The following VAV1 variants were observed in gnomAD, a reference collection of about 807,000 sequenced individuals.
The protein encoded by VAV1 is vav guanine nucleotide exchange factor 1.
VAV1 carries 33 observed loss-of-function variants against 128.1 expected under a neutral mutation model. The observed-to-expected ratio is 0.26, with a 90% CI of 0.20 to 0.34. VAV1 has a LOEUF of 0.34. Ranked by LOEUF, VAV1 falls within the 10% of genes least tolerant of loss-of-function variation. VAV1 has a pLI of 1.00. For synonymous variants in VAV1, 394 were observed against 409.8 expected, an observed-to-expected ratio of 0.96 and a Z score of 0.47; for missense variants, 715 against 1,093.7, an observed-to-expected ratio of 0.65 and a Z score of 4.88.
rs1288040548 is a variant in VAV1 at position 6,833,742 on chromosome 19, T to A, written c.1731+9T>A. The A allele has an allele frequency of 6.2e-7, 1 of 1,614,052 alleles. No homozygotes were observed. Among genetic ancestry groups the A allele is most frequent in the Non-Finnish European group, 8.5e-7 (1 of 1,180,032 alleles). ...CAGGAACTATGAAGAAGGTAAGACT[T>A]TCCCGTGGTCCTTCCTGTGTACCAC... is the stretch of plus-strand genomic sequence containing the variant. On this transcript the variant is annotated intron_variant, in intron 18 of 26. Transcript: ENST00000602142.
rs140401873 is a variant in VAV1 at position 6,812,632 on chromosome 19, C to T, written c.205-8070C>T. On this transcript the variant is annotated intron_variant, in intron 1 of 26. Transcript: ENST00000602142. ...CGCCACTGCACTCCAGCCTGGATGA[C>T]AGAGGGAGACTCTATCTCAAAACAA... 2.7e-3 allele frequency among the ~76,000 whole-genome samples: 409 copies of T among 152,242 alleles called. 2 individuals carry two copies. The highest frequency in any genetic ancestry group is 9.5e-3 in the African/African-American group (395 of 41,532).
chr19:6,828,960 C>T lies in VAV1; in HGVS notation c.1265+60C>T. ...TGGGCAAAGGGGTGGGACCAGGCTC[C>T]TAGATGGGCAGGTGGGTGGAGTCAA... is the stretch of plus-strand genomic sequence containing the variant. On this transcript the variant is annotated intron_variant, in intron 13 of 26. Coordinates refer to ENST00000602142, the MANE Select transcript of VAV1 (RefSeq NM_005428.4). The surrounding 1 kb of genome is among the most constrained non-coding windows in gnomAD (Gnocchi z 4.5). The T allele has an allele frequency of 6.3e-7, 1 of 1,592,896 alleles. No individual in the cohort carries two copies. The highest frequency in any genetic ancestry group is 8.6e-7 in the Non-Finnish European group (1 of 1,165,162).
At chr19:6,818,336 C>T in intron 1 of VAV1, among the ~76,000 whole-genome samples, 1 of 152,160 alleles carries the variant, frequency 6.6e-6, no homozygotes, top group Non-Finnish European at 1.5e-5. Flanking sequence ...CAACAAAGTA[C>T]CACGAGCTTG....
intron 1 of VAV1, among the ~76,000 whole-genome samples, chr19:6,792,216 GA>G (rs2144715244): frequency 6.6e-6 from 1 of 152,192 alleles, no homozygotes; most frequent in East Asian, 1.9e-4. Flanking sequence ...GAGAGATCTG[GA>G]AAAAGAAGGT....
chr19:6,800,792 T>TTTTGTGTGTG (rs1555699757), intron 1 of VAV1, among the ~76,000 whole-genome samples: 299 of 147,710 alleles, frequency 2.0e-3, no homozygotes, highest in African/African-American at 7.0e-3. Context: ...TGGCAAATTT[T>TTTTGTGTGTG]TGTGTGTGTG....
Position 6,825,356 on chromosome 19 carries a change from C to T in VAV1, c.777C>T (p.Gly259=). Residue 259 remains glycine (G), a synonymous_variant, in exon 8 of 27, where the codon GGC becomes GGT. Transcript: ENST00000602142. ...HFLKEMKEAL[G]TPGAANLYQV... ...TAAAGGAGATGAAGGAAGCCCTGGG[C>T]ACCCCTGGCGCAGCCAATCTCTACC... 6.2e-7 allele frequency: 1 copy of T among 1,613,822 alleles called. No individual in the cohort carries two copies. The highest frequency in any genetic ancestry group is 1.1e-5 in the South Asian group (1 of 91,074).
intron 1 of VAV1, among the ~76,000 whole-genome samples, chr19:6,784,730 G>A (rs529653230): frequency 3.3e-5 from 5 of 152,094 alleles, no homozygotes; most frequent in Non-Finnish European, 5.9e-5. Flanking sequence ...CTGGCCTCAA[G>A]TGATCTACCC....
Position 6,828,325 on chromosome 19 carries a change from T to TGGAG in VAV1, c.1024-92_1024-89dup. On this transcript the variant is annotated intron_variant, in intron 10 of 26. Coordinates refer to ENST00000602142, the MANE Select transcript of VAV1 (RefSeq NM_005428.4). The surrounding 1 kb of genome is among the most constrained non-coding windows in gnomAD (Gnocchi z 4.5). ...TCAGCCTCCAGGGTCAGCAGTACGA[T>TGGAG]GGAGGAGCTGGTGAGCTAGCATTGT... is the stretch of plus-strand genomic sequence containing the variant. The TGGAG allele has an allele frequency of 6.4e-7, 1 of 1,554,406 alleles. No homozygotes were observed.
intron 1 of VAV1, among the ~76,000 whole-genome samples, chr19:6,813,478 G>A (rs887480532): frequency 2.6e-5 from 4 of 152,172 alleles, no homozygotes; most frequent in African/African-American, 9.7e-5. Flanking sequence ...CTTAACTTAT[G>A]TATGAATACT....
In VAV1 at chr19:6,826,948, A is replaced by G. The variant is rs1971933173; in HGVS notation, c.927+237A>G. On this transcript the variant is annotated intron_variant, in intron 9 of 26. Coordinates refer to ENST00000602142, the MANE Select transcript of VAV1 (RefSeq NM_005428.4). This position sits in a 1 kb window ranked among gnomAD's most constrained non-coding sequence, Gnocchi z 4.1. ...TATCAGGGTGAAGTCCTGACCCTGA[A>G]CTGAGCTCTGATCTCACACTCAACC... The G allele has an allele frequency of 5.4e-6, 3 of 555,476 alleles. No homozygotes were observed. The highest frequency in any genetic ancestry group is 6.0e-5 in the East Asian group (2 of 33,188). 34.4% of individuals were successfully genotyped at this position (555,476 alleles called of 1,614,324 possible).
At chr19:6,785,625 C>T (rs1240511334) in intron 1 of VAV1, among the ~76,000 whole-genome samples, 1 of 150,012 alleles carries the variant, frequency 6.7e-6, no homozygotes, top group Non-Finnish European at 1.5e-5. Flanking sequence ...AGCCACTGCA[C>T]ATGGTCAGTG....
rs374076998 is a variant in VAV1, at chr19:6,777,957, C to T, written c.204+4946C>T. On this transcript the variant is annotated intron_variant, in intron 1 of 26. Transcript: ENST00000602142. This position sits in a 1 kb window ranked among gnomAD's most constrained non-coding sequence, Gnocchi z 4.4. ...CTGGGATTACAGGCGCCTGCCACCA[C>T]GCCTGGCTAATTTCTGTTGCCCAGG... is the stretch of plus-strand genomic sequence containing the variant. Among the ~76,000 whole-genome samples the T allele has an allele frequency of 7.2e-5, 11 of 151,940 alleles. No individual in the cohort carries two copies. The highest frequency in any genetic ancestry group is 3.9e-4 in the Admixed American group (6 of 15,236).
intron 1 of VAV1, among the ~76,000 whole-genome samples, chr19:6,776,284 T>TCATCCATCCATC (rs59236244): frequency 1.5e-4 from 15 of 100,668 alleles, no homozygotes; most frequent in African/African-American, 5.1e-4. Flanking sequence ...ATCTATCCAC[T>TCATCCATCCATC]CATCCATCCA....
chr19:6,851,176 A>G (rs1002065622), intron 24 of VAV1, among the ~76,000 whole-genome samples: 1 of 151,726 alleles, frequency 6.6e-6, no homozygotes, highest in African/African-American at 2.4e-5. Context: ...AGATAGAGAG[A>G]GAGAGATTGA....
intron 1 of VAV1, among the ~76,000 whole-genome samples, chr19:6,776,122 ATCTGCTC>A (rs1970618391): frequency 7.3e-6 from 1 of 137,196 alleles, no homozygotes; most frequent in African/African-American, 2.8e-5. Flanking sequence ...CCATCCATCC[ATCTGCTC>A]ATCCATTCAT....
intron 1 of VAV1, among the ~76,000 whole-genome samples, chr19:6,776,671 T>C (rs1349369235): frequency 1.3e-5 from 2 of 151,946 alleles, no homozygotes; most frequent in Non-Finnish European, 2.9e-5. Context: ...TTTCCATCCA[T>C]GTATCCACCC....
chr19:6,814,073 A>G (rs566030369), intron 1 of VAV1, among the ~76,000 whole-genome samples: 1 of 152,254 alleles, frequency 6.6e-6, no homozygotes, highest in East Asian at 1.9e-4. Flanking sequence ...AAATAAATCA[A>G]TGAATGAATA....
chr19:6,799,173 G>A (rs749141431), intron 1 of VAV1, among the ~76,000 whole-genome samples: 3 of 151,556 alleles, frequency 2.0e-5, no homozygotes, highest in Non-Finnish European at 4.4e-5. Context: ...TGTTTGTTTC[G>A]CTTTGTTTTT....
chr19:6,848,399 T>C (rs1333325399), intron 23 of VAV1, among the ~76,000 whole-genome samples: 1 of 148,646 alleles, frequency 6.7e-6, no homozygotes, highest in Non-Finnish European at 1.5e-5. Context: ...TTTTCCCCTT[T>C]TTTTCTTTTC....
Sources: allele counts gnomAD v4.1 joint callset (sites outside exome capture counted in the v4.1 genomes callset), GRCh38; gene constraint gnomAD v4.1.1; non-coding constraint Gnocchi (gnomAD v3.1); transcripts MANE v1.5; gene names NCBI Gene and HGNC (gene_info 2026-07-23, HGNC 2026-07-21).